The following ANKRD18A variants were observed in gnomAD, a reference collection of about 807,000 sequenced individuals.
ANKRD18A encodes the protein ankyrin repeat domain-containing protein 18A.
Under a neutral mutation model 110.6 loss-of-function variants are expected in ANKRD18A, and 72 were observed. The ratio of observed to expected loss-of-function variants is 0.65; its 90% CI spans 0.54 to 0.79. The LOEUF is 0.79. Ranked by LOEUF, ANKRD18A falls within the 30% of genes least tolerant of loss-of-function variation. The pLI is 0.00. For missense variants in ANKRD18A, 934 were observed against 1,163.3 expected, an observed-to-expected ratio of 0.80 and a Z score of 2.87; for synonymous variants, 305 against 410.3, an observed-to-expected ratio of 0.74 and a Z score of 3.10.
At chr9:38,616,440 C>A (rs2118904655) in intron 1 of ANKRD18A, among the ~76,000 whole-genome samples, 1 of 152,326 alleles carries the variant, frequency 6.6e-6, no homozygotes, top group East Asian at 1.9e-4. Flanking sequence ...GAACAAGCAA[C>A]AACTCAATAA....
downstream of ANKRD18A, chr9:38,567,099 G>A (rs904920408): frequency 7.2e-5 from 11 of 152,180 alleles, no homozygotes; most frequent in Non-Finnish European, 5.9e-5. Context: ...GCATATACAC[G>A]AAAATATTCA....
At chr9:38,594,721 G>C (rs1327351851) in intron 9 of ANKRD18A, among the ~76,000 whole-genome samples, 4 of 152,094 alleles carry the variant, frequency 2.6e-5, no homozygotes, top group Non-Finnish European at 5.9e-5. Flanking sequence ...ATAAGAGAGA[G>C]CCACTGAAGG....
intron 8 of ANKRD18A, among the ~76,000 whole-genome samples, chr9:38,600,285 C>T (rs1825065545): frequency 6.6e-6 from 1 of 152,100 alleles, no homozygotes; most frequent in African/African-American, 2.4e-5. Flanking sequence ...CCTCAGCATA[C>T]CCTAAATAGT....
chr9:38,579,505 T>A (rs539726969), intron 12 of ANKRD18A, among the ~76,000 whole-genome samples: 108 of 151,644 alleles, frequency 7.1e-4, no homozygotes, highest in Non-Finnish European at 1.2e-3. Flanking sequence ...AGGCAAAAGA[T>A]CCGATTAGAT....
In ANKRD18A at chr9:38,615,729, G is replaced by T. The variant is rs778268373; in HGVS notation, c.360C>A (p.Leu120=). ...HSQEEACAIV[L]LECGANPNIE... is the part of the protein sequence containing the mutation. ...TGTTTGGATTGGCGCCACATTCCAG[G>T]AGAACGATGGCACAAGCCTCTTCCT... Residue 120 remains leucine (L), a synonymous_variant, in exon 3 of 16, where the codon CTC becomes CTA. Transcript: ENST00000399703. The T allele has an allele frequency of 6.2e-7, 1 of 1,612,958 alleles. No homozygotes were observed. The highest frequency in any genetic ancestry group is 1.7e-5 in the Admixed American group (1 of 59,982).
intron 6 of ANKRD18A, among the ~76,000 whole-genome samples, chr9:38,605,593 A>C (rs1333367546): frequency 6.6e-6 from 1 of 152,128 alleles, no homozygotes; most frequent in Non-Finnish European, 1.5e-5. Context: ...ATTTATTATG[A>C]TTATCTCTTG....
At chr9:38,605,616 A>T (rs1292793683) in intron 6 of ANKRD18A, among the ~76,000 whole-genome samples, 3 of 152,116 alleles carry the variant, frequency 2.0e-5, no homozygotes, top group Non-Finnish European at 4.4e-5. Context: ...TAATGGTAAC[A>T]GAGTATGGTT....
In ANKRD18A at chr9:38,571,501, G is replaced by A. The variant is rs1297249584; in HGVS notation, c.*544C>T. 2 of 768,640 alleles carry A rather than the reference G, an allele frequency of 2.6e-6. No individual in the cohort carries two copies. Among genetic ancestry groups the A allele is most frequent in the East Asian group, 1.6e-4 (2 of 12,546 alleles). The allele number at this position is 768,640 out of a possible 1,614,324, so 47.6% of individuals were successfully genotyped here. A position where few individuals can be genotyped will look rare whatever the true frequency, so the allele number is the denominator to read the frequency against. On this transcript the variant is annotated 3_prime_UTR_variant, in exon 16 of 16. Coordinates refer to ENST00000399703, the MANE Select transcript of ANKRD18A (RefSeq NM_147195.4). Reference sequence around the variant, plus strand: ...AAATGCTAAATCTAGTGGGTTTTGAGGAGTAACCAGATATTTACAGAGCTT... The same window carrying A: ...AAATGCTAAATCTAGTGGGTTTTGAAGAGTAACCAGATATTTACAGAGCTT...
chr9:38,576,597 A>C (rs563257736), intron 14 of ANKRD18A, among the ~76,000 whole-genome samples: 41 of 152,344 alleles, frequency 2.7e-4, no homozygotes, highest in African/African-American at 7.2e-4. Context: ...AAAGATCACA[A>C]TCAAAAACAG....
In ANKRD18A at chr9:38,595,506, T is replaced by C. The variant is rs964502731; in HGVS notation, c.1834A>G (p.Lys612Glu). The change falls in exon 9 of 16, where the codon AAA becomes GAA. Residue 612 changes from lysine to glutamate, a missense_variant. Lys to Glu is a moderately conservative substitution (Grantham distance 56, BLOSUM62 1). Coordinates refer to ENST00000399703, the MANE Select transcript of ANKRD18A (RefSeq NM_147195.4). ...CTTACTTCTCTTTCTGCTTTTTCTTTTTCACACTGAAGCAGTTTTTCTTTT... is the reference window on the plus strand; with the variant it reads ...CTTACTTCTCTTTCTGCTTTTTCTTCTTCACACTGAAGCAGTTTTTCTTTT... Reference protein sequence around the residue: ...YLKEKLLQCEKEKAEREVIVR... With the variant: ...YLKEKLLQCEEEKAEREVIVR... The C allele has an allele frequency of 4.0e-6, 6 of 1,486,192 alleles. No individual in the cohort carries two copies. Among genetic ancestry groups the C allele is most frequent in the African/African-American group, 1.4e-5 (1 of 69,990 alleles). 92.1% of individuals were successfully genotyped at this position (1,486,192 alleles called of 1,614,324 possible).
intron 6 of ANKRD18A, 135 bp from the exon 7 acceptor site, chr9:38,603,347 C>T (rs1360890677): frequency 3.2e-6 from 4 of 1,248,504 alleles, no homozygotes; most frequent in Non-Finnish European, 4.4e-6. Flanking sequence ...TTGCACTCAT[C>T]ACCACAAATT....
chr9:38,570,957 A>G (rs1171442317), downstream of ANKRD18A, among the ~76,000 whole-genome samples: 6 of 152,224 alleles, frequency 3.9e-5, no homozygotes, highest in Non-Finnish European at 8.8e-5. Context: ...CAGACAAGAC[A>G]TCCTGTGCTG....
chr9:38,587,512 A>G (rs913780922), intron 11 of ANKRD18A, among the ~76,000 whole-genome samples: 2 of 152,200 alleles, frequency 1.3e-5, no homozygotes, highest in African/African-American at 2.4e-5. Context: ...CATGTATACA[A>G]TGGAGGTACC....
At chr9:38,569,674 G>C (rs1228821521), downstream of ANKRD18A, among the ~76,000 whole-genome samples, 1 of 152,044 alleles carries the variant, frequency 6.6e-6, no homozygotes, top group Non-Finnish European at 1.5e-5. Context: ...TGTACATATG[G>C]GTGTGTTTGT....
chr9:38,588,851 C>T (rs1043190868), intron 10 of ANKRD18A, among the ~76,000 whole-genome samples, 188 bp from the exon 11 acceptor site: 3 of 152,138 alleles, frequency 2.0e-5, no homozygotes, highest in African/African-American at 7.2e-5. Context: ...AAAAAAGATT[C>T]ACACTTTCAT....
chr9:38,601,900 T>G (rs1206733480), intron 7 of ANKRD18A, among the ~76,000 whole-genome samples: 1 of 151,348 alleles, frequency 6.6e-6, no homozygotes, highest in Non-Finnish European at 1.5e-5. Flanking sequence ...AGAGGATCCC[T>G]TAAGCCCAGG....
intron 12 of ANKRD18A, among the ~76,000 whole-genome samples, chr9:38,581,935 G>C (rs1824181516): frequency 6.6e-6 from 1 of 152,202 alleles, no homozygotes; most frequent in South Asian, 2.1e-4. Context: ...CTCTGTTTCA[G>C]TAATAGGAGG....
chr9:38,582,731 C>A (rs1369116863), intron 12 of ANKRD18A, among the ~76,000 whole-genome samples: 1 of 152,134 alleles, frequency 6.6e-6, no homozygotes, highest in East Asian at 1.9e-4. Context: ...AACTATAAAA[C>A]TCTCAGAAGA....
intron 11 of ANKRD18A, among the ~76,000 whole-genome samples, chr9:38,587,117 C>A (rs1824420231): frequency 6.6e-6 from 1 of 152,052 alleles, no homozygotes; most frequent in Admixed American, 6.5e-5. Flanking sequence ...AAGAAAACAT[C>A]TTTAATGTCT....
Sources: allele counts gnomAD v4.1 joint callset (sites outside exome capture counted in the v4.1 genomes callset), GRCh38; gene constraint gnomAD v4.1.1; transcripts MANE v1.5; gene names NCBI Gene and HGNC (gene_info 2026-07-23, HGNC 2026-07-21).